Variants in DMD observed in about 807,000 individuals in gnomAD.
DMD encodes the protein mutant dystrophin.
A neutral mutation model predicts 330.1 loss-of-function variants in DMD; 63 were observed. The observed-to-expected ratio is 0.19, with a 90% CI of 0.16 to 0.24. The LOEUF is 0.24. Ranked by LOEUF, DMD falls within the 10% of genes least tolerant of loss-of-function variation. The pLI is 1.00. For missense variants in DMD, 3,344 were observed against 2,684.1 expected (o/e 1.25, Z -5.43); for synonymous variants, 1,223 against 959.8 (o/e 1.27, Z -5.07).
At chrX:32,161,331 C>T (rs2096848643) in intron 44 of DMD, among the ~76,000 whole-genome samples, 1 of 111,510 alleles carries the variant, frequency 9.0e-6, no homozygotes, top group South Asian at 3.8e-4. Flanking sequence ...TTTCTTATAG[C>T]CTCATAGGGT....
At chrX:32,997,274 T>C (rs1324294393) in intron 2 of DMD, among the ~76,000 whole-genome samples, 1 of 107,910 alleles carries the variant, frequency 9.3e-6, no homozygotes, top group African/African-American at 3.4e-5. Context: ...AGATGGAGTC[T>C]CGCCCTGTGC....
At chrX:32,987,271 C>T (rs986975371) in intron 2 of DMD, among the ~76,000 whole-genome samples, 8 of 111,785 alleles carry the variant, frequency 7.2e-5, no homozygotes, top group Non-Finnish European at 1.3e-4. Context: ...CTCCAATGCC[C>T]GTGTCAGCGT....
At chrX:33,260,211 C>T (rs2052931853) in intron 1 of DMD, among the ~76,000 whole-genome samples, 1 of 111,441 alleles carries the variant, frequency 9.0e-6, no homozygotes, top group Non-Finnish European at 1.9e-5. Flanking sequence ...GTTACATAAC[C>T]TGGTCAGCAT....
At position 31,147,473 on chromosome X, in the gene DMD, A is replaced by C. The variant is rs1243711898; in HGVS notation, c.10599T>G (p.His3533Gln). 8.3e-7 allele frequency: 1 copy of C among 1,205,161 alleles called. No individual in the cohort carries two copies. Among genetic ancestry groups the C allele is most frequent in the East Asian group, 3.0e-5 (1 of 33,707 alleles). ...EYDRLKQQHEHKGLSPLPSPP... is the reference protein window; with the variant it reads ...EYDRLKQQHEQKGLSPLPSPP... ...GGGACGGCAGTGGGGACAGGCCTTT[A>C]TGTTCGTGCTGCTGCTTTAGACGGT... is the stretch of plus-strand genomic sequence containing the variant. The change falls in exon 75 of 79, where the codon CAT (histidine) becomes CAG (glutamine). Residue 3533 changes from histidine (H) to glutamine (Q), a missense_variant. Transcript: ENST00000357033.
At chrX:31,839,053 T>C (rs1368879538) in intron 48 of DMD, among the ~76,000 whole-genome samples, 1 of 111,815 alleles carries the variant, frequency 8.9e-6, no homozygotes, top group Non-Finnish European at 1.9e-5. Flanking sequence ...TCTCTGATAA[T>C]AGAGAATCAC....
chrX:32,773,523 T>TTA, intron 7 of DMD, among the ~76,000 whole-genome samples: 1 of 108,014 alleles, frequency 9.3e-6, no homozygotes, highest in Non-Finnish European at 1.9e-5. Context: ...TTTATTTTTT[T>TTA]TTTTTTTTTT....
At chrX:32,810,135 T>G (rs1184872396) in intron 6 of DMD, among the ~76,000 whole-genome samples, 1 of 109,822 alleles carries the variant, frequency 9.1e-6, no homozygotes, top group Non-Finnish European at 1.9e-5. Context: ...AAAAGAATGC[T>G]GAGGATGTAT....
intron 41 of DMD, among the ~76,000 whole-genome samples, chrX:32,319,847 A>T (rs1315719079): frequency 9.0e-6 from 1 of 110,963 alleles, no homozygotes; most frequent in Non-Finnish European, 1.9e-5. Context: ...TCAAAAAATC[A>T]TTTTAACCTT....
chrX:31,147,461 G>A lies in DMD; in HGVS notation c.10611C>T (p.Ser3537=). 8.3e-7 allele frequency: 1 copy of A among 1,205,520 alleles called. No homozygotes were observed. The highest frequency in any genetic ancestry group is 1.1e-6 in the Non-Finnish European group (1 of 891,334). ...LKQQHEHKGL[S]PLPSPPEMMP... The stretch of plus-strand genomic sequence containing the variant: ...TCATTTCAGGAGGGGACGGCAGTGG[G>A]GACAGGCCTTTATGTTCGTGCTGCT... The change falls in exon 75 of 79, where the codon TCC becomes TCT. Residue 3537 remains serine, a synonymous_variant. Coordinates refer to ENST00000357033, the MANE Select transcript of DMD (RefSeq NM_004006.3).
rs753812212 is a variant in DMD at position 32,894,976 on chromosome X, C to T, written c.94-45156G>A. 9.8e-5 allele frequency among the ~76,000 whole-genome samples: 11 copies of T among 111,860 alleles called. No homozygotes were observed. In the East Asian group the frequency reaches 1.7e-3, roughly 17 times the overall value. On this transcript the variant is annotated intron_variant, in intron 2 of 78. Coordinates refer to ENST00000357033, the MANE Select transcript of DMD (RefSeq NM_004006.3). The stretch of plus-strand genomic sequence containing the variant: ...CTCACAGTTCTGGAGGCTTTAAGTC[C>T]GAGGTCAGTGTTCCAGCGTGTTCAA...
At chrX:31,387,533 G>A (rs910338654) in intron 60 of DMD, among the ~76,000 whole-genome samples, 4 of 111,092 alleles carry the variant, frequency 3.6e-5, no homozygotes, top group Admixed American at 9.6e-5. Context: ...CCAAGTAGCC[G>A]GGACTATGGG....
chrX:31,207,680 T>C (rs1169383810), intron 65 of DMD, among the ~76,000 whole-genome samples: 6 of 111,783 alleles, frequency 5.4e-5, no homozygotes, highest in African/African-American at 2.0e-4. Context: ...TGATGAGAGC[T>C]CACGAACACA....
intron 50 of DMD, among the ~76,000 whole-genome samples, chrX:31,814,504 A>G (rs2092564576): frequency 9.5e-6 from 1 of 105,805 alleles, no homozygotes; most frequent in African/African-American, 3.4e-5. Context: ...AAAAAAAAAA[A>G]AAAAAAAAAA....
intron 52 of DMD, among the ~76,000 whole-genome samples, chrX:31,709,723 G>A (rs756740968): frequency 9.1e-6 from 1 of 110,218 alleles, no homozygotes; most frequent in African/African-American, 3.3e-5. Flanking sequence ...TATATTTTAA[G>A]AGTGCACATA....
chrX:31,938,923 G>T (rs762792644), intron 45 of DMD, among the ~76,000 whole-genome samples: 1 of 111,054 alleles, frequency 9.0e-6, no homozygotes, highest in Non-Finnish European at 1.9e-5. Flanking sequence ...TTTTCTCCCA[G>T]TGTGTGTGTG....
intron 1 of DMD, among the ~76,000 whole-genome samples, chrX:33,096,688 T>C (rs2095171099): frequency 9.0e-6 from 1 of 110,937 alleles, no homozygotes; most frequent in Non-Finnish European, 1.9e-5. Flanking sequence ...GTATTTTTAG[T>C]AGAGATGGGG....
At position 32,121,620 on chromosome X, in the gene DMD, C is replaced by CATATATAT. The variant is rs10535803; in HGVS notation, c.6438+95288_6438+95295dup. Among the ~76,000 whole-genome samples, 202 of 36,410 alleles carry CATATATAT rather than the reference C, an allele frequency of 5.5e-3. 4 individuals carry two copies. Among genetic ancestry groups the CATATATAT allele is most frequent in the South Asian group, 9.2e-3 (3 of 327 alleles). The allele number at this position is 36,410 out of a possible 115,157, so 31.6% of individuals were successfully genotyped here. A position where few individuals can be genotyped will look rare whatever the true frequency, so the allele number is the denominator to read the frequency against. On this transcript the variant is annotated intron_variant, in intron 44 of 78. Coordinates refer to ENST00000357033, the MANE Select transcript of DMD (RefSeq NM_004006.3). ...AAATAAGGTTTTCAAAATATGTGTG[C>CATATATAT]ATATATATATATATATATATATATA...
chrX:33,113,217 C>T (rs1603298984), intron 1 of DMD, among the ~76,000 whole-genome samples: 1 of 107,700 alleles, frequency 9.3e-6, no homozygotes, highest in South Asian at 4.2e-4. Flanking sequence ...CCATGCCTGG[C>T]TAATTTTCTT....
At chrX:31,766,288 C>G (rs746883314) in intron 51 of DMD, among the ~76,000 whole-genome samples, 150 of 111,722 alleles carry the variant, frequency 1.3e-3, no homozygotes, top group African/African-American at 4.8e-3. Context: ...GACGGAGTTT[C>G]GCTCTTGTTG....
Sources: gnomAD v4.1 joint callset for allele counts (sites outside exome capture counted in the v4.1 genomes callset) on GRCh38, gnomAD v4.1.1 for gene constraint, MANE v1.5 for transcripts, NCBI Gene and HGNC (gene_info 2026-07-23, HGNC 2026-07-21) for gene names.